OR9A4: variants seen among roughly 807,000 people sequenced by gnomAD.
The protein encoded by OR9A4 is olfactory receptor family 9 subfamily A member 4.
A neutral mutation model predicts 17.1 loss-of-function variants in OR9A4; 16 were observed. The observed-to-expected ratio is 0.94, with a 90% CI of 0.64 to 1.43. The LOEUF (loss-of-function observed/expected upper bound fraction) is 1.43, where lower values mean the gene tolerates loss of function less well. Among genes scored for constraint, OR9A4 ranks in the 40% most tolerant of loss-of-function variants. The probability of loss-of-function intolerance (pLI) is 0.00; values close to 1 mark genes in which losing one functional copy is unlikely to be tolerated. For missense variants in OR9A4, 392 were observed against 382.1 expected (o/e 1.03, Z -0.22); for synonymous variants, 167 against 143.3 (o/e 1.17, Z -1.18).
Position 141,919,659 on chromosome 7 carries a change from C to A in OR9A4, c.784C>A (p.Pro262Thr). 2 of 1,614,134 alleles carry A rather than the reference C, an allele frequency of 1.2e-6. No homozygotes were observed. The highest frequency in any genetic ancestry group is 1.7e-6 in the Non-Finnish European group (2 of 1,180,026). Reference sequence around the variant, plus strand: ...CAGCTGCTTGTTTCTCTACGTGAAACCCAAGCAAACGCAGGCAGCTGATTA... The same window carrying A: ...CAGCTGCTTGTTTCTCTACGTGAAAACCAAGCAAACGCAGGCAGCTGATTA... ...YGSCLFLYVK[P>T]KQTQAADYNW... The change falls in exon 2 of 2, where the codon CCC becomes ACC. Residue 262 changes from proline (P) to threonine (T), a missense_variant. Coordinates refer to ENST00000641559, the MANE Select transcript of OR9A4 (RefSeq NM_001001656.3).
rs1295781214 is a variant in OR9A4, at chr7:141,919,982, C to T, written c.*162C>T. ...AGTTACAGCTACGGTTTTTAGTATG[C>T]TTAGTTGTTACTTGAAACTCAGTCT... On this transcript the variant is annotated 3_prime_UTR_variant, in exon 2 of 2. Coordinates refer to ENST00000641559, the MANE Select transcript of OR9A4 (RefSeq NM_001001656.3). 8.8e-6 allele frequency: 5 copies of T among 570,782 alleles called. No homozygotes were observed. The highest frequency in any genetic ancestry group is 7.5e-5 in the African/African-American group (4 of 53,556). 35.4% of individuals were successfully genotyped at this position (570,782 alleles called of 1,614,324 possible). A position where few individuals can be genotyped will look rare whatever the true frequency, so the allele number is the denominator to read the frequency against.
Position 141,919,879 on chromosome 7 carries a change from A to AGATTTGTAGTCCTCCTTG in OR9A4, c.*59_*60insGATTTGTAGTCCTCCTTG. On this transcript the variant is annotated 3_prime_UTR_variant, in exon 2 of 2. Coordinates refer to ENST00000641559, the MANE Select transcript of OR9A4 (RefSeq NM_001001656.3). ...TTAGTATGGATTCTAGAATAATCTG[A>AGATTTGTAGTCCTCCTTG]AAAGAACTTGCTCATCTTTGAACTG... The AGATTTGTAGTCCTCCTTG allele has an allele frequency of 7.7e-7, 1 of 1,300,672 alleles. No individual in the cohort carries two copies. Among genetic ancestry groups the AGATTTGTAGTCCTCCTTG allele is most frequent in the Non-Finnish European group, 1.1e-6 (1 of 938,660 alleles). 80.6% of individuals were successfully genotyped at this position (1,300,672 alleles called of 1,614,324 possible).
At chr7:141,918,426 T>TTTAGA (rs1300642321) in intron 1 of OR9A4, among the ~76,000 whole-genome samples, 10 of 152,254 alleles carry the variant, frequency 6.6e-5, no homozygotes, top group African/African-American at 2.2e-4. Context: ...CTTATAATTG[T>TTTAGA]TTAGATGCAT....
At chr7:141,918,195 G>A (rs983957543) in intron 1 of OR9A4, among the ~76,000 whole-genome samples, 1 of 152,116 alleles carries the variant, frequency 6.6e-6, no homozygotes. Context: ...GCAGTGGTGC[G>A]ATCTCAGCTC....
At position 141,919,288 on chromosome 7, in the gene OR9A4, GAC is replaced by G. The variant is rs540093489; in HGVS notation, c.418_419del (p.Thr140LeufsTer40). ...CTGAGGTACAACATCATTATGAACA[GAC>G]ACACCTGCAACTTTGTGGTTCTTGT... On this transcript the variant is annotated frameshift_variant, in exon 2 of 2. Coordinates refer to ENST00000641559, the MANE Select transcript of OR9A4 (RefSeq NM_001001656.3). LOFTEE classifies it high-confidence loss of function. The G allele has an allele frequency of 2.0e-4, 319 of 1,614,026 alleles. No homozygotes were observed. The highest frequency in any genetic ancestry group is 4.0e-4 in the Admixed American group (24 of 60,000).
chr7:141,917,916 T>A (rs960071038), intron 1 of OR9A4, among the ~76,000 whole-genome samples: 1 of 152,188 alleles, frequency 6.6e-6, no homozygotes, highest in Non-Finnish European at 1.5e-5. Context: ...GGAGCTGGTA[T>A]CCCAGAGGTC....
rs1802232336 is a variant in OR9A4, at chr7:141,919,081, A to T, written c.206A>T (p.Glu69Val). Residue 69 changes from glutamate to valine, a missense_variant, in exon 2 of 2, where the codon GAG becomes GTG. By Grantham distance (121) the Glu-to-Val change is moderately radical (BLOSUM62 -2). Coordinates refer to ENST00000641559, the MANE Select transcript of OR9A4 (RefSeq NM_001001656.3). ...YFFLGHLSAL[E>V]ILVTTIIVPV... is the part of the protein sequence containing the mutation. ...TTCCTCGGCCACCTCTCTGCCCTGG[A>T]GATCCTGGTCACAACCATAATCGTC... 6.2e-7 allele frequency: 1 copy of T among 1,613,990 alleles called. No individual in the cohort carries two copies. The highest frequency in any genetic ancestry group is 8.5e-7 in the Non-Finnish European group (1 of 1,180,026).
rs782232749 is a variant in OR9A4, at chr7:141,919,855, T to C, written c.*35T>C. 3 of 1,449,542 alleles carry C rather than the reference T, an allele frequency of 2.1e-6. No individual in the cohort carries two copies. Among genetic ancestry groups the C allele is most frequent in the African/African-American group, 1.4e-5 (1 of 70,442 alleles). The allele number at this position is 1,449,542 out of a possible 1,614,324, so 89.8% of individuals were successfully genotyped here. On this transcript the variant is annotated 3_prime_UTR_variant, in exon 2 of 2. Transcript: ENST00000641559. ...GAGGACTTTTACATGGTAAAGCACT[T>C]AGTATGGATTCTAGAATAATCTGAA... is the stretch of plus-strand genomic sequence containing the variant.
intron 1 of OR9A4, among the ~76,000 whole-genome samples, chr7:141,917,534 A>G (rs1802205348): frequency 6.6e-6 from 1 of 152,162 alleles, no homozygotes; most frequent in East Asian, 1.9e-4. Context: ...GACTGAGACC[A>G]TGGCAAGTTG....
rs782628084 is a variant in OR9A4, at chr7:141,919,530, G to A, written c.655G>A (p.Ala219Thr). 1.1e-5 allele frequency: 17 copies of A among 1,613,858 alleles called. No homozygotes were observed. The highest frequency in any genetic ancestry group is 6.7e-5 in the African/African-American group (5 of 74,850). Reference protein sequence around the residue: ...GSLIPTIVSNAYIISTILKIP... With the variant: ...GSLIPTIVSNTYIISTILKIP... ...TTTGATCCCTACAATTGTCTCCAAC[G>A]CCTACATCATCTCCACCATTCTCAA... The change falls in exon 2 of 2, where the codon GCC (alanine) becomes ACC (threonine). Residue 219 changes from alanine (A) to threonine (T), a missense_variant. Ala to Thr is a moderately conservative substitution (Grantham distance 58, BLOSUM62 0). Transcript: ENST00000641559.
Position 141,919,828 on chromosome 7 carries a change from C to T in OR9A4, c.*8C>T. On this transcript the variant is annotated 3_prime_UTR_variant, in exon 2 of 2. Coordinates refer to ENST00000641559, the MANE Select transcript of OR9A4 (RefSeq NM_001001656.3). ...CAACTATTCAGGAATTAGCCTTGCTCTGAGGACTTTTACATGGTAAAGCAC... is the reference window on the plus strand; with the variant it reads ...CAACTATTCAGGAATTAGCCTTGCTTTGAGGACTTTTACATGGTAAAGCAC... 1 of 1,591,590 alleles carries T rather than the reference C, an allele frequency of 6.3e-7. No homozygotes were observed.
chr7:141,918,776 TGTTTTTTC>T, intron 1 of OR9A4, 62 bp from the exon 2 acceptor site: 1 of 843,552 alleles, frequency 1.2e-6, no homozygotes. Context: ...AGGAGAGGAA[TGTTTTTTC>T]AACCTGAAAT....
Position 141,919,794 on chromosome 7 carries a change from C to G in OR9A4, c.919C>G (p.Arg307Gly). ...AGAGGCCCTTCGGGATGGGGTGAAA[C>G]GCTGCTGTCAACTATTCAGGAATTA... ...VIEALRDGVK[R>G]CCQLFRN Residue 307 changes from arginine to glycine, a missense_variant, in exon 2 of 2, where the codon CGC becomes GGC. Physicochemically the swap from Arg to Gly is moderately radical, Grantham distance 125 (BLOSUM62 -2). Coordinates refer to ENST00000641559, the MANE Select transcript of OR9A4 (RefSeq NM_001001656.3). The G allele has an allele frequency of 6.2e-7, 1 of 1,612,700 alleles. No homozygotes were observed. Among genetic ancestry groups the G allele is most frequent in the Non-Finnish European group, 8.5e-7 (1 of 1,178,988 alleles).
In OR9A4 at chr7:141,918,883, T is replaced by C; in HGVS notation, c.8T>C (p.Met3Thr). The C allele has an allele frequency of 2.5e-6, 4 of 1,602,550 alleles. No individual in the cohort carries two copies. The highest frequency in any genetic ancestry group is 1.3e-5 in the African/African-American group (1 of 74,792). The change falls in exon 2 of 2, where the codon ATG becomes ACG. Residue 3 changes from methionine to threonine, a missense_variant. Coordinates refer to ENST00000641559, the MANE Select transcript of OR9A4 (RefSeq NM_001001656.3). Reference protein sequence around the residue: MLMNYSSATEFYL... With the variant: MLTNYSSATEFYL... ...ACAAGGGCTTAGAACTAAATGTTGA[T>C]GAATTACTCTAGTGCCACTGAATTT...
chr7:141,919,480 T>C lies in OR9A4; in HGVS notation c.605T>C (p.Met202Thr), dbSNP rs1554439105. 3 of 1,614,076 alleles carry C rather than the reference T, an allele frequency of 1.9e-6. No individual in the cohort carries two copies. In the Admixed American group the frequency reaches 5.0e-5, roughly 27 times the overall value. The change falls in exon 2 of 2, where the codon ATG becomes ACG. Residue 202 changes from methionine to threonine, a missense_variant. Physicochemically the swap from Met to Thr is moderately conservative, Grantham distance 81 (BLOSUM62 -1). Transcript: ENST00000641559. ...TLFTEFILFL[M>T]AVFVLFGSLI... ...TTCACGGAGTTTATCCTCTTCTTAATGGCTGTTTTTGTTCTCTTTGGTTCT... is the reference window on the plus strand; with the variant it reads ...TTCACGGAGTTTATCCTCTTCTTAACGGCTGTTTTTGTTCTCTTTGGTTCT...
At chr7:141,918,523 A>G (rs1802222696) in intron 1 of OR9A4, among the ~76,000 whole-genome samples, 1 of 152,212 alleles carries the variant, frequency 6.6e-6, no homozygotes, top group South Asian at 2.1e-4. Context: ...AAGTGAACAC[A>G]TTGTGATCAT....
At chr7:141,917,857 G>A (rs1255672940) in intron 1 of OR9A4, among the ~76,000 whole-genome samples, 6 of 152,106 alleles carry the variant, frequency 3.9e-5, no homozygotes, top group African/African-American at 1.4e-4. Flanking sequence ...AGGTGGGGAT[G>A]GCTTTCATTA....
At position 141,918,914 on chromosome 7, in the gene OR9A4, C is replaced by T; in HGVS notation, c.39C>T (p.Leu13=). The T allele has an allele frequency of 6.2e-7, 1 of 1,613,048 alleles. No individual in the cohort carries two copies. Among genetic ancestry groups the T allele is most frequent in the Non-Finnish European group, 8.5e-7 (1 of 1,179,412 alleles). The change falls in exon 2 of 2, where the codon CTC becomes CTT. Residue 13 remains leucine (L), a synonymous_variant. Transcript: ENST00000641559. ...MNYSSATEFY[L]LGFPGSEELH... is the part of the protein sequence containing the mutation. ...ACTCTAGTGCCACTGAATTTTATCT[C>T]CTTGGCTTCCCTGGCTCTGAAGAAC... is the stretch of plus-strand genomic sequence containing the variant.
chr7:141,918,571 G>A (rs911265591), intron 1 of OR9A4, among the ~76,000 whole-genome samples: 1 of 152,180 alleles, frequency 6.6e-6, no homozygotes, highest in Non-Finnish European at 1.5e-5. Context: ...CAGAGTTGGA[G>A]GCAGATGTCC....
Sources: allele counts gnomAD v4.1 joint callset (sites outside exome capture counted in the v4.1 genomes callset), GRCh38; gene constraint gnomAD v4.1.1; transcripts MANE v1.5; gene names NCBI Gene and HGNC (gene_info 2026-07-23, HGNC 2026-07-21).